RNF220: variants seen among roughly 807,000 people sequenced by gnomAD.
RNF220 encodes ring finger protein 220.
Under a neutral mutation model 67.1 loss-of-function variants are expected in RNF220, and 7 were observed. The ratio of observed to expected loss-of-function variants is 0.10; its 90% CI spans 0.06 to 0.20. RNF220 has a LOEUF of 0.20. Ranked by LOEUF, RNF220 falls within the 10% of genes least tolerant of loss-of-function variation. The probability of loss-of-function intolerance (pLI) is 1.00; values close to 1 mark genes in which losing one functional copy is unlikely to be tolerated. For missense variants in RNF220, 565 were observed against 740.3 expected, an observed-to-expected ratio of 0.76 and a Z score of 2.75; for synonymous variants, 270 against 283.2, an observed-to-expected ratio of 0.95 and a Z score of 0.47.
chr1:44,608,741 G>T (rs776368740), intron 2 of RNF220, among the ~76,000 whole-genome samples: 3 of 152,200 alleles, frequency 2.0e-5, no homozygotes, highest in Non-Finnish European at 4.4e-5. Context: ...CCAGATATAT[G>T]GGTAATGATG....
At chr1:44,547,712 A>G (rs1292925958) in intron 2 of RNF220, among the ~76,000 whole-genome samples, 2 of 151,800 alleles carry the variant, frequency 1.3e-5, no homozygotes, top group Non-Finnish European at 2.9e-5. Flanking sequence ...CTCTGGTCCC[A>G]TTTTTCCAAC....
At chr1:44,604,863 G>A (rs111921744) in intron 2 of RNF220, among the ~76,000 whole-genome samples, 4,909 of 152,358 alleles carry the variant, frequency 0.032, 108 homozygotes, top group Non-Finnish European at 0.05. Flanking sequence ...GCAGAATGGA[G>A]GGAGAAGGAA....
chr1:44,525,291 A>G (rs1660280399), intron 2 of RNF220, among the ~76,000 whole-genome samples: 1 of 152,154 alleles, frequency 6.6e-6, no homozygotes, highest in Admixed American at 6.5e-5. Flanking sequence ...GAGGGGGGCC[A>G]CCTTTGGCAA....
chr1:44,638,766 C>T (rs575749980), intron 8 of RNF220, among the ~76,000 whole-genome samples: 2 of 152,182 alleles, frequency 1.3e-5, no homozygotes, highest in South Asian at 2.1e-4. Context: ...TGGGAGTACT[C>T]GGATTGATAT....
chr1:44,550,638 T>G (rs1197254040), intron 2 of RNF220, among the ~76,000 whole-genome samples: 1 of 152,150 alleles, frequency 6.6e-6, no homozygotes, highest in Non-Finnish European at 1.5e-5. Context: ...TACAAAATCA[T>G]GGCAGCTCAG....
chr1:44,499,054 A>G (rs1421316596), intron 2 of RNF220, among the ~76,000 whole-genome samples: 1 of 152,088 alleles, frequency 6.6e-6, no homozygotes, highest in Non-Finnish European at 1.5e-5. Flanking sequence ...TAGTGACCCA[A>G]TTCCAACTCC....
chr1:44,576,733 A>C (rs1018364562), intron 2 of RNF220, among the ~76,000 whole-genome samples: 1 of 152,218 alleles, frequency 6.6e-6, no homozygotes, highest in African/African-American at 2.4e-5. Flanking sequence ...GGGGGAAAAA[A>C]GCTGAGTAAA....
chr1:44,635,390 G>A, intron 6 of RNF220, 155 bp from the exon 7 acceptor site: 1 of 1,182,882 alleles, frequency 8.5e-7, no homozygotes, highest in Non-Finnish European at 1.2e-6. Flanking sequence ...GTCCCCAAAG[G>A]AGCAGGAGGT....
rs978372733 is a variant in RNF220, at chr1:44,606,516, T to A, written c.626-7649T>A. ...GATGGGATGCTTTTCATGCCTTATG[T>A]CCTTGACCTCTCAACAGCATTTGAC... On this transcript the variant is annotated intron_variant, in intron 2 of 14. Transcript: ENST00000361799. The surrounding 1 kb of genome is among the most constrained non-coding windows in gnomAD (Gnocchi z 4.2). Among the ~76,000 whole-genome samples the A allele has an allele frequency of 6.6e-6, 1 of 152,188 alleles. No homozygotes were observed. The highest frequency in any genetic ancestry group is 1.5e-5 in the Non-Finnish European group (1 of 68,034).
intron 5 of RNF220, among the ~76,000 whole-genome samples, chr1:44,630,695 A>T (rs1644090083): frequency 6.6e-6 from 1 of 152,234 alleles, no homozygotes; most frequent in South Asian, 2.1e-4. Context: ...GTCCTGAAGG[A>T]TGAACAACAG....
At chr1:44,627,344 CAAAAAAAAAAAAA>C (rs35722890) in intron 5 of RNF220, among the ~76,000 whole-genome samples, 6 of 42,254 alleles carry the variant, frequency 1.4e-4, no homozygotes, top group Non-Finnish European at 2.1e-4. Flanking sequence ...GACTCCGTCT[CAAAAAAAAAAAAA>C]AAAAAAAAAA....
In RNF220 at chr1:44,580,716, C is replaced by T. The variant is rs537040546; in HGVS notation, c.626-33449C>T. On this transcript the variant is annotated intron_variant, in intron 2 of 14. Coordinates refer to ENST00000361799, the MANE Select transcript of RNF220 (RefSeq NM_018150.4). Reference sequence around the variant, plus strand: ...AGACCCTTTGAGGCTTTATAGAGAACAGTCTGGGGTTCTGGGCTCCAATCC... The same window carrying T: ...AGACCCTTTGAGGCTTTATAGAGAATAGTCTGGGGTTCTGGGCTCCAATCC... 5.3e-5 allele frequency among the ~76,000 whole-genome samples: 8 copies of T among 152,328 alleles called. No homozygotes were observed. The South Asian group carries it at 1.7e-3, about 32-fold the overall frequency.
chr1:44,459,330 C>T (rs1653524751), intron 2 of RNF220, among the ~76,000 whole-genome samples: 2 of 152,106 alleles, frequency 1.3e-5, no homozygotes, highest in Non-Finnish European at 2.9e-5. Flanking sequence ...TCAGCCTTCT[C>T]CCAGAATTAC....
chr1:44,421,429 A>T (rs1649200069), intron 2 of RNF220, among the ~76,000 whole-genome samples: 1 of 152,052 alleles, frequency 6.6e-6, no homozygotes, highest in Non-Finnish European at 1.5e-5. Flanking sequence ...AGTTATACAG[A>T]CAGTTTTACC....
chr1:44,589,539 A>G (rs549739109), intron 2 of RNF220, among the ~76,000 whole-genome samples: 47 of 144,298 alleles, frequency 3.3e-4, no homozygotes, highest in African/African-American at 1.0e-3. Flanking sequence ...GCGTGAACCC[A>G]GGAGGAGGAG....
chr1:44,422,270 G>T (rs888688854), intron 2 of RNF220, among the ~76,000 whole-genome samples: 2 of 152,148 alleles, frequency 1.3e-5, no homozygotes, highest in Admixed American at 1.3e-4. Flanking sequence ...GCGCATGCTC[G>T]GCTGAGGAAT....
chr1:44,551,795 G>A (rs376244699), intron 2 of RNF220, among the ~76,000 whole-genome samples: 3 of 152,230 alleles, frequency 2.0e-5, no homozygotes, highest in East Asian at 1.9e-4. Flanking sequence ...ATTTTACCAC[G>A]CACTTCTTCA....
chr1:44,527,925 C>CAAAAAAAAA (rs56409207), intron 2 of RNF220, among the ~76,000 whole-genome samples: 579 of 56,158 alleles, frequency 0.01, 180 homozygotes, highest in Middle Eastern at 0.023. Flanking sequence ...GACTCCATCC[C>CAAAAAAAAA]AAAAAAAAAA....
intron 6 of RNF220, 34 bp downstream of exon 6, chr1:44,632,419 C>A (rs763873580): frequency 2.2e-5 from 35 of 1,563,618 alleles, no homozygotes; most frequent in Non-Finnish European, 2.9e-5. Flanking sequence ...TCCGCCCCAC[C>A]CCCGGCCTCC....
Sources: gnomAD v4.1 joint callset for allele counts (sites outside exome capture counted in the v4.1 genomes callset) on GRCh38, gnomAD v4.1.1 for gene constraint, Gnocchi (gnomAD v3.1) non-coding constraint, MANE v1.5 for transcripts, NCBI Gene and HGNC (gene_info 2026-07-23, HGNC 2026-07-21) for gene names.